Variants in CNPY3 observed in about 807,000 individuals in gnomAD.
The protein encoded by CNPY3 is protein canopy homolog 3.
Under a neutral mutation model 32.0 loss-of-function variants are expected in CNPY3, and 20 were observed. The ratio of observed to expected loss-of-function variants is 0.63; its 90% CI spans 0.44 to 0.91. CNPY3 has a LOEUF of 0.91. Among genes scored for constraint, CNPY3 ranks in the 40% least tolerant of loss-of-function variants. The pLI, the probability that CNPY3 is intolerant of heterozygous loss-of-function variation, is 0.00. For missense variants in CNPY3, 299 were observed against 340.8 expected, an observed-to-expected ratio of 0.88 and a Z score of 0.97; for synonymous variants, 138 against 142.9, an observed-to-expected ratio of 0.97 and a Z score of 0.24.
intron 1 of CNPY3, among the ~76,000 whole-genome samples, chr6:42,934,080 A>G (rs1162222946): frequency 1.3e-5 from 2 of 152,090 alleles, no homozygotes; most frequent in Non-Finnish European, 2.9e-5. Flanking sequence ...GAGGCAGGAG[A>G]ATCGCTTGAA....
rs767720442 is a variant in CNPY3 at position 42,935,650 on chromosome 6, G to A, written c.352G>A (p.Gly118Ser). The change falls in exon 3 of 6, where the codon GGC becomes AGC. Residue 118 changes from glycine to serine, a missense_variant. This residue lies in a region of CNPY3 where 211 missense variants were observed against 278.3 expected (regional missense o/e 0.76). Transcript: ENST00000372836. The part of the protein sequence containing the change: ...LDYSLHKERT[G>S]SNRFAKGMSE... ...TTATAGCCTGCACAAGGAGAGGACCGGCAGCAATCGATTTGCCAAGGTTGG... is the reference window on the plus strand; with the variant it reads ...TTATAGCCTGCACAAGGAGAGGACCAGCAGCAATCGATTTGCCAAGGTTGG... 37 of 1,610,418 alleles carry A rather than the reference G, an allele frequency of 2.3e-5. No homozygotes were observed. The highest frequency in any genetic ancestry group is 5.3e-5 in the African/African-American group (4 of 74,854).
intron 3 of CNPY3, among the ~76,000 whole-genome samples, chr6:42,936,348 T>C (rs1768232963): frequency 6.6e-6 from 1 of 152,186 alleles, no homozygotes; most frequent in Non-Finnish European, 1.5e-5. Flanking sequence ...AATAAATCTG[T>C]GTTTGCTTTA....
At chr6:42,936,275 C>T (rs1768227232) in intron 3 of CNPY3, among the ~76,000 whole-genome samples, 1 of 152,198 alleles carries the variant, frequency 6.6e-6, no homozygotes, top group East Asian at 1.9e-4. Flanking sequence ...CATTCATAAA[C>T]TCCTGGGATA....
intron 4 of CNPY3, 115 bp from the exon 5 acceptor site, chr6:42,937,975 T>G: frequency 6.9e-7 from 1 of 1,458,280 alleles, no homozygotes; most frequent in Non-Finnish European, 9.6e-7. Flanking sequence ...CTCAGTTTCC[T>G]TAGGTGAACC....
In CNPY3 at chr6:42,935,757, A is replaced by G. The variant is rs1460627915; in HGVS notation, c.372+87A>G. ...CTGCTGGTGTGAGTGTGATTTGAAG[A>G]TGACCACCTGGGATCTTCCTTCATT... On this transcript the variant is annotated intron_variant, in intron 3 of 5. Transcript: ENST00000372836. 10 of 1,425,252 alleles carry G rather than the reference A, an allele frequency of 7.0e-6. No homozygotes were observed. In the Admixed American group the frequency reaches 1.9e-4, roughly 28 times the overall value. The allele number at this position is 1,425,252 out of a possible 1,614,324, so 88.3% of individuals were successfully genotyped here. A position where few individuals can be genotyped will look rare whatever the true frequency, so the allele number is the denominator to read the frequency against.
rs577182193 is a variant in CNPY3 at position 42,938,649 on chromosome 6, G to C, written c.695G>C (p.Arg232Thr). The change falls in exon 6 of 6, where the codon AGG becomes ACG. Residue 232 changes from arginine to threonine, a missense_variant. Transcript: ENST00000372836. ...AAGAAGTCCAAGAAGAAGAGCAGCA[G>C]GGCCAAGGCAGCAGGCGGCAGGAGT... ...GGKKSKKKSSRAKAAGGRSSS... is the reference protein window; with the variant it reads ...GGKKSKKKSSTAKAAGGRSSS... 5.0e-6 allele frequency: 8 copies of C among 1,612,744 alleles called. No homozygotes were observed. The South Asian group carries it at 8.8e-5, about 18-fold the overall frequency.
At chr6:42,938,443 G>A (rs1768384429) in intron 5 of CNPY3, 125 bp from the exon 6 acceptor site, 1 of 962,956 alleles carries the variant, frequency 1.0e-6, no homozygotes, top group Non-Finnish European at 1.6e-6. Context: ...AGAGGCAGGA[G>A]GCAGGGAGGC....
Position 42,929,597 on chromosome 6 carries a change from C to T in CNPY3, c.27C>T (p.Ser9=). 1 of 1,572,874 alleles carries T rather than the reference C, an allele frequency of 6.4e-7. No individual in the cohort carries two copies. ...TGGATTCAATGCCTGAGCCCGCGTC[C>T]CGCTGTCTTCTGCTTCTTCCCTTGC... The part of the protein sequence containing the change: MDSMPEPA[S]RCLLLLPLLL... The change falls in exon 1 of 6, where the codon TCC becomes TCT. Residue 9 remains serine (S), a synonymous_variant. Transcript: ENST00000372836.
chr6:42,938,444 G>T (rs1248774280), intron 5 of CNPY3, 124 bp from the exon 6 acceptor site: 2 of 966,142 alleles, frequency 2.1e-6, no homozygotes, highest in Admixed American at 2.5e-5. Flanking sequence ...GAGGCAGGAG[G>T]CAGGGAGGCT....
chr6:42,938,484 C>G (rs557897346), intron 5 of CNPY3, 84 bp from the exon 6 acceptor site: 1,008 of 1,321,798 alleles, frequency 7.6e-4, no homozygotes, highest in Non-Finnish European at 9.6e-4. Context: ...GTTGCTACTC[C>G]CACGGCTCCC....
At chr6:42,928,255 G>A (rs1767518512), upstream of CNPY3, among the ~76,000 whole-genome samples, 1 of 152,128 alleles carries the variant, frequency 6.6e-6, no homozygotes, top group African/African-American at 2.4e-5. Context: ...CCAAAGTGCT[G>A]GAATTATAGG....
chr6:42,929,436 G>T (rs1045833124), upstream of CNPY3: 34 of 941,224 alleles, frequency 3.6e-5, no homozygotes, highest in East Asian at 8.8e-4. Context: ...AGAGGAGGGC[G>T]GGCGGGAGGC....
At chr6:42,937,891 T>G (rs1581717598) in intron 4 of CNPY3, 52 bp downstream of exon 4, 1 of 1,609,784 alleles carries the variant, frequency 6.2e-7, no homozygotes, top group Non-Finnish European at 8.5e-7. Flanking sequence ...GAGGGGCTGG[T>G]GGGGATTGGG....
Position 42,938,096 on chromosome 6 carries a change from G to A in CNPY3, c.502G>A (p.Val168Met). The change falls in exon 5 of 6, where the codon GTG becomes ATG. Residue 168 changes from valine to methionine, a missense_variant. By Grantham distance (21) the Val-to-Met change is conservative (BLOSUM62 1). This residue lies in a region of CNPY3 where 211 missense variants were observed against 278.3 expected (regional missense o/e 0.76). Transcript: ENST00000372836. Reference sequence around the variant, plus strand: ...GAGGTATTATGATTAACAGTGTGATGTGCTGGTGGAAGAGTTTGAGGAGGT... The same window carrying A: ...GAGGTATTATGATTAACAGTGTGATATGCTGGTGGAAGAGTTTGAGGAGGT... ...EVADLKKQCD[V>M]LVEEFEEVIE... 2 of 1,613,294 alleles carry A rather than the reference G, an allele frequency of 1.2e-6. No homozygotes were observed. Among genetic ancestry groups the A allele is most frequent in the Non-Finnish European group, 1.7e-6 (2 of 1,179,216 alleles).
At chr6:42,935,466 T>A in intron 2 of CNPY3, 108 bp from the exon 3 acceptor site, 1 of 1,428,964 alleles carries the variant, frequency 7.0e-7, no homozygotes, top group Non-Finnish European at 9.3e-7. Flanking sequence ...CTGAGTCACT[T>A]CCCATTGGTG....
Position 42,929,705 on chromosome 6 carries a change from G to C in CNPY3, c.135G>C (p.Leu45=), listed in dbSNP as rs1562536978. 3.2e-6 allele frequency: 5 copies of C among 1,547,956 alleles called. No homozygotes were observed. The highest frequency in any genetic ancestry group is 1.8e-4 in the Middle Eastern group (1 of 5,444). Residue 45 remains leucine (L), a synonymous_variant, in exon 1 of 6, where the codon CTG becomes CTC. Transcript: ENST00000372836. ...CTGAGGAGAACGACTGGGTTCGCCT[G>C]CCCAGCAAATGCGAAGGTGAGGAGG... The part of the protein sequence containing the change: ...AGAEENDWVR[L]PSKCEVCKYV...
At position 42,929,790 on chromosome 6, in the gene CNPY3, C is replaced by T. The variant is rs920402676; in HGVS notation, c.151+69C>T. 2.0e-6 allele frequency: 3 copies of T among 1,481,372 alleles called. No individual in the cohort carries two copies. In the African/African-American group the frequency reaches 4.2e-5, roughly 21 times the overall value. The allele number at this position is 1,481,372 out of a possible 1,614,324, so 91.8% of individuals were successfully genotyped here. ...GGCTCCAGCGGTGGTGCTTGCGGAGCAGCGTCGGGGGTTGCAAGGTTCCGA... is the reference window on the plus strand; with the variant it reads ...GGCTCCAGCGGTGGTGCTTGCGGAGTAGCGTCGGGGGTTGCAAGGTTCCGA... On this transcript the variant is annotated intron_variant, in intron 1 of 5. Coordinates refer to ENST00000372836, the MANE Select transcript of CNPY3 (RefSeq NM_006586.5).
chr6:42,931,735 T>A (rs12213679), intron 1 of CNPY3, among the ~76,000 whole-genome samples: 3,657 of 151,988 alleles, frequency 0.024, 46 homozygotes, highest in Non-Finnish European at 0.029. Flanking sequence ...TATTATTATT[T>A]TTTTTTGAGA....
At chr6:42,932,063 C>T (rs1050522309) in intron 1 of CNPY3, among the ~76,000 whole-genome samples, 17 of 152,200 alleles carry the variant, frequency 1.1e-4, no homozygotes, top group Non-Finnish European at 2.1e-4. Flanking sequence ...CCCATACTCT[C>T]CCTCTTATTA....
Sources: allele counts gnomAD v4.1 joint callset (sites outside exome capture counted in the v4.1 genomes callset), GRCh38; gene constraint gnomAD v4.1.1; regional missense constraint gnomAD v4.1.1; transcripts MANE v1.5; gene names NCBI Gene and HGNC (gene_info 2026-07-23, HGNC 2026-07-21).